The following ZNF350 variants were observed in gnomAD, a reference collection of about 807,000 sequenced individuals.
ZNF350 encodes zinc finger protein 350.
In ZNF350, 5 loss-of-function variants were observed where a neutral mutation model predicts 13.1. The ratio of observed to expected loss-of-function variants is 0.38; its 90% confidence interval spans 0.20 to 0.80. The LOEUF (loss-of-function observed/expected upper bound fraction) is 0.80, where lower values mean the gene tolerates loss of function less well. ZNF350 is among the 30% of genes least tolerant of loss of function. The pLI, the probability that ZNF350 is intolerant of heterozygous loss-of-function variation, is 0.43. For missense variants in ZNF350, 534 were observed against 644.2 expected, an observed-to-expected ratio of 0.83 and a Z score of 1.85; for synonymous variants, 199 against 224.2, an observed-to-expected ratio of 0.89 and a Z score of 1.00.
At chr19:51,977,105 C>T (rs8104064) in intron 1 of ZNF350, among the ~76,000 whole-genome samples, 2,221 of 152,242 alleles carry the variant, frequency 0.015, 61 homozygotes, top group African/African-American at 0.051. Flanking sequence ...GAAATAGAAA[C>T]CCTAATACAA....
Position 51,966,273 on chromosome 19 carries a change from GTTTTTTTGT to G in ZNF350, c.239-68_239-60del, listed in dbSNP as rs895883912. 50 of 1,457,638 alleles carry G rather than the reference GTTTTTTTGT, an allele frequency of 3.4e-5. No individual in the cohort carries two copies. The African/African-American group carries it at 3.9e-4, about 11-fold the overall frequency. The allele number at this position is 1,457,638 out of a possible 1,614,324, so 90.3% of individuals were successfully genotyped here. On this transcript the variant is annotated intron_variant, in intron 4 of 4. Coordinates refer to ENST00000243644, the MANE Select transcript of ZNF350 (RefSeq NM_021632.4). ...AGATTTGGGGTAAAAGTTTGTTGTG[GTTTTTTTGT>G]TTTTTTTGTTTTTTTTTTTAAGATG...
intron 1 of ZNF350, chr19:51,974,842 A>G (rs972712101): frequency 2.0e-5 from 3 of 153,706 alleles, no homozygotes; most frequent in African/African-American, 4.8e-5. Context: ...AAAAGAGACA[A>G]TCAGCAAGGA....
In ZNF350 at chr19:51,964,792, G is replaced by T; in HGVS notation, c.*62C>A. On this transcript the variant is annotated 3_prime_UTR_variant, in exon 5 of 5. Transcript: ENST00000243644. ...CATGTTCTCTCAGTGTATGCTTTTC[G>T]GCCACATAATGAACTACAAATTTTT... 6.5e-7 allele frequency: 1 copy of T among 1,529,588 alleles called. No individual in the cohort carries two copies. Among genetic ancestry groups the T allele is most frequent in the Non-Finnish European group, 8.8e-7 (1 of 1,131,144 alleles). 94.8% of individuals were successfully genotyped at this position (1,529,588 alleles called of 1,614,324 possible). A position where few individuals can be genotyped will look rare whatever the true frequency, so the allele number is the denominator to read the frequency against.
chr19:51,971,278 A>G (rs2085729149), intron 2 of ZNF350, among the ~76,000 whole-genome samples: 1 of 152,198 alleles, frequency 6.6e-6, no homozygotes, highest in Admixed American at 6.5e-5. Context: ...TGAGATAGCT[A>G]TCTATTTGGA....
At chr19:51,969,294 T>A in intron 2 of ZNF350, 163 bp from the exon 3 acceptor site, 1 of 764,270 alleles carries the variant, frequency 1.3e-6, no homozygotes, top group Non-Finnish European at 2.0e-6. Flanking sequence ...TAATATTCTG[T>A]AACTGTATAT....
At chr19:51,977,827 T>C (rs995266222) in intron 1 of ZNF350, among the ~76,000 whole-genome samples, 2 of 152,228 alleles carry the variant, frequency 1.3e-5, no homozygotes, top group Non-Finnish European at 2.9e-5. Context: ...TGTCAGGATG[T>C]AGGAACTGAG....
At chr19:51,984,477 G>A (rs570886090) in intron 1 of ZNF350, among the ~76,000 whole-genome samples, 4 of 152,114 alleles carry the variant, frequency 2.6e-5, no homozygotes, top group Admixed American at 6.5e-5. Context: ...CTATTTAGAC[G>A]GAGTTTATAC....
chr19:51,971,633 G>A (rs1039835847), intron 2 of ZNF350, among the ~76,000 whole-genome samples: 1 of 152,150 alleles, frequency 6.6e-6, no homozygotes, highest in Non-Finnish European at 1.5e-5. Flanking sequence ...AGCCTCCTCT[G>A]GACTGAGCAG....
rs752432299 is a variant in ZNF350 at position 51,968,619 on chromosome 19, AGT to A, written c.195_196del (p.Gln65HisfsTer5). 5.0e-6 allele frequency: 8 copies of A among 1,613,878 alleles called. No individual in the cohort carries two copies. Among genetic ancestry groups the A allele is most frequent in the Non-Finnish European group, 6.8e-6 (8 of 1,179,952 alleles). On this transcript the variant is annotated frameshift_variant, in exon 4 of 5. Transcript: ENST00000243644. LOFTEE classifies it low-confidence loss of function (END_TRUNC). ...GTGGATTCCATCTTCAATTGTCCACAGTTGTTCTCCTTGTTCCAACTTGAAGA... is the reference window on the plus strand; with the variant it reads ...GTGGATTCCATCTTCAATTGTCCACATGTTCTCCTTGTTCCAACTTGAAGA...
At chr19:51,984,074 G>A (rs2122966265) in intron 1 of ZNF350, 1 of 152,136 alleles carries the variant, frequency 6.6e-6, no homozygotes, top group Non-Finnish European at 1.5e-5. Flanking sequence ...CTACTCGGGA[G>A]GCCGTGGCAC....
chr19:51,970,795 T>C (rs1599934943), intron 2 of ZNF350, among the ~76,000 whole-genome samples: 2 of 152,164 alleles, frequency 1.3e-5, no homozygotes, highest in South Asian at 4.1e-4. Context: ...AGTCTACACG[T>C]AGGCACAACA....
intron 2 of ZNF350, 43 bp downstream of exon 2, chr19:51,974,303 T>C: frequency 6.2e-7 from 1 of 1,608,918 alleles, no homozygotes; most frequent in Non-Finnish European, 8.5e-7. Context: ...ACAAATCTAT[T>C]ATGGAACAAA....
chr19:51,975,333 G>A (rs1221159378), intron 1 of ZNF350, among the ~76,000 whole-genome samples: 1 of 150,070 alleles, frequency 6.7e-6, no homozygotes, highest in Admixed American at 6.7e-5. Context: ...AGAAGCTGAG[G>A]CAGAAGAATT....
intron 1 of ZNF350, among the ~76,000 whole-genome samples, chr19:51,983,593 G>C (rs747509670): frequency 6.6e-6 from 1 of 152,168 alleles, no homozygotes; most frequent in East Asian, 1.9e-4. Flanking sequence ...TAAGATGTCT[G>C]TGTAAAGTCA....
chr19:51,965,497 A>G lies in ZNF350; in HGVS notation c.956T>C (p.Ile319Thr). The change falls in exon 5 of 5, where the codon ATA (isoleucine) becomes ACA (threonine). Residue 319 changes from isoleucine to threonine, a missense_variant. Transcript: ENST00000243644. ...GAAGCCTTTTCCACATTCATTGCATATATAAGGTTTCTCACCTGTATGAAT... is the reference window on the plus strand; with the variant it reads ...GAAGCCTTTTCCACATTCATTGCATGTATAAGGTTTCTCACCTGTATGAAT... ...QRIHTGEKPY[I>T]CNECGKGFIQ... is the part of the protein sequence containing the mutation. 3 of 1,614,186 alleles carry G rather than the reference A, an allele frequency of 1.9e-6. No individual in the cohort carries two copies. The highest frequency in any genetic ancestry group is 2.5e-6 in the Non-Finnish European group (3 of 1,180,028).
At chr19:51,978,905 GACA>G (rs1205730262) in intron 1 of ZNF350, among the ~76,000 whole-genome samples, 1 of 152,182 alleles carries the variant, frequency 6.6e-6, no homozygotes, top group African/African-American at 2.4e-5. Flanking sequence ...TCCCCAGAAG[GACA>G]ACAATGGAAA....
Position 51,965,552 on chromosome 19 carries a change from G to A in ZNF350, c.901C>T (p.Gln301Ter), listed in dbSNP as rs367637205. The stretch of plus-strand genomic sequence containing the variant: ...TGGTGTACAATGAGATTTCCTTTCT[G>A]GATGAAGCCTTTTCCACATTCACTG... The part of the protein sequence containing the change: ...ICSECGKGFI[Q>*]KGNLIVHQRI... The change falls in exon 5 of 5, where the codon CAG becomes TAG. Residue 301 changes from glutamine (Q) to a stop codon, truncating the protein, a stop_gained. Transcript: ENST00000243644. LOFTEE classifies it low-confidence loss of function (END_TRUNC). The A allele has an allele frequency of 6.2e-7, 1 of 1,614,000 alleles. No homozygotes were observed. The highest frequency in any genetic ancestry group is 8.5e-7 in the Non-Finnish European group (1 of 1,180,020).
chr19:51,983,605 A>C (rs2086104658), intron 1 of ZNF350, among the ~76,000 whole-genome samples: 1 of 152,184 alleles, frequency 6.6e-6, no homozygotes, highest in South Asian at 2.1e-4. Flanking sequence ...GTAAAGTCAA[A>C]CATAAATCTG....
In ZNF350 at chr19:51,965,234, ACT is replaced by A. The variant is rs751677921; in HGVS notation, c.1217_1218del (p.Glu406ValfsTer13). 1.9e-6 allele frequency: 3 copies of A among 1,613,786 alleles called. No individual in the cohort carries two copies. The highest frequency in any genetic ancestry group is 2.5e-6 in the Non-Finnish European group (3 of 1,179,978). On this transcript the variant is annotated frameshift_variant, in exon 5 of 5. Coordinates refer to ENST00000243644, the MANE Select transcript of ZNF350 (RefSeq NM_021632.4). LOFTEE classifies it low-confidence loss of function (END_TRUNC). Reference protein sequence around the residue: ...HTGERPYGCNECGKAFAYMSC... With the variant: ...HTGERPYGCNXCGKAFAYMSC... ...GACATATACGCAAACGCTTTCCCAC[ACT>A]CGTTACAGCCATAGGGTCTCTCTCC... is the stretch of plus-strand genomic sequence containing the variant.
Sources: gnomAD v4.1 joint callset for allele counts (sites outside exome capture counted in the v4.1 genomes callset) on GRCh38, gnomAD v4.1.1 for gene constraint, MANE v1.5 for transcripts, NCBI Gene and HGNC (gene_info 2026-07-23, HGNC 2026-07-21) for gene names.